PHACTR1: variants seen among roughly 807,000 people sequenced by gnomAD.
The protein encoded by PHACTR1 is RPEL repeat containing 1.
In PHACTR1, 16 loss-of-function variants were observed where a neutral mutation model predicts 69.2. The ratio of observed to expected loss-of-function variants is 0.23; its 90% CI spans 0.16 to 0.35. The LOEUF is 0.35. Ranked by LOEUF, PHACTR1 falls within the 10% of genes least tolerant of loss-of-function variation. The pLI, the probability that PHACTR1 is intolerant of heterozygous loss-of-function variation, is 1.00. For synonymous variants in PHACTR1, 312 were observed against 284.5 expected (o/e 1.10, Z -0.97); for missense variants, 510 against 734.7 (o/e 0.69, Z 3.54).
chr6:13,225,678 A>G (rs1006848150), intron 8 of PHACTR1, among the ~76,000 whole-genome samples: 7 of 152,182 alleles, frequency 4.6e-5, no homozygotes, highest in Non-Finnish European at 1.5e-5. Flanking sequence ...TTTTTCCTTA[A>G]AAGATTCTTC....
chr6:13,080,409 T>C (rs978121475), intron 5 of PHACTR1, among the ~76,000 whole-genome samples: 1 of 152,168 alleles, frequency 6.6e-6, no homozygotes, highest in African/African-American at 2.4e-5. Context: ...TAATTGGAAC[T>C]GGGGTGTGTA....
rs539906138 is a variant in PHACTR1, at chr6:12,875,274, C to T, written c.250+125484C>T. ...AATCATTTATTACTCATCGTGACTCCACAGGGTTCTTCGTGCTCCATGAGC... is the reference window on the plus strand; with the variant it reads ...AATCATTTATTACTCATCGTGACTCTACAGGGTTCTTCGTGCTCCATGAGC... On this transcript the variant is annotated intron_variant, in intron 4 of 14. Coordinates refer to ENST00000332995, the MANE Select transcript of PHACTR1 (RefSeq NM_030948.6). Among the ~76,000 whole-genome samples the T allele has an allele frequency of 4.6e-5, 7 of 152,274 alleles. No homozygotes were observed. In the East Asian group the frequency reaches 7.7e-4, roughly 17 times the overall value.
intron 4 of PHACTR1, among the ~76,000 whole-genome samples, chr6:12,900,115 G>A (rs1785041645): frequency 6.6e-6 from 1 of 152,218 alleles, no homozygotes; most frequent in East Asian, 1.9e-4. Context: ...CCACTGTATC[G>A]CCTTCTGGTC....
At chr6:12,848,542 G>A (rs1779519978) in intron 4 of PHACTR1, among the ~76,000 whole-genome samples, 1 of 152,190 alleles carries the variant, frequency 6.6e-6, no homozygotes, top group East Asian at 1.9e-4. Context: ...AAGGAGGGGA[G>A]GGGCATTTGA....
intron 10 of PHACTR1, among the ~76,000 whole-genome samples, chr6:13,257,521 G>A (rs150328749): frequency 1.2e-4 from 18 of 151,832 alleles, no homozygotes; most frequent in Non-Finnish European, 1.8e-4. Flanking sequence ...TAAGTAAAAT[G>A]GAAATAAAAT....
intron 5 of PHACTR1, among the ~76,000 whole-genome samples, chr6:13,101,194 T>C (rs1467836690): frequency 2.0e-5 from 3 of 152,250 alleles, no homozygotes; most frequent in African/African-American, 7.2e-5. Flanking sequence ...TTGAGGGCCT[T>C]GATGCTGTGT....
At chr6:12,829,304 G>A (rs889508145) in intron 4 of PHACTR1, among the ~76,000 whole-genome samples, 2 of 152,190 alleles carry the variant, frequency 1.3e-5, no homozygotes, top group African/African-American at 2.4e-5. Flanking sequence ...GCTCTTTCTA[G>A]TAGCAGAAAC....
At chr6:12,797,390 C>A (rs1158409889) in intron 4 of PHACTR1, among the ~76,000 whole-genome samples, 1 of 152,174 alleles carries the variant, frequency 6.6e-6, no homozygotes, top group African/African-American at 2.4e-5. Context: ...ACATTTGTCA[C>A]TGACTGACCC....
At chr6:12,814,834 G>A (rs1775408140) in intron 4 of PHACTR1, among the ~76,000 whole-genome samples, 1 of 152,188 alleles carries the variant, frequency 6.6e-6, no homozygotes, top group South Asian at 2.1e-4. Flanking sequence ...AGTTGCTGGG[G>A]GAGGCTGCTT....
intron 4 of PHACTR1, among the ~76,000 whole-genome samples, chr6:12,878,995 C>T (rs1261689374): frequency 2.6e-5 from 4 of 152,112 alleles, no homozygotes; most frequent in Admixed American, 1.3e-4. Context: ...TGAAAAGGCA[C>T]GTGGAGCACT....
intron 7 of PHACTR1, among the ~76,000 whole-genome samples, chr6:13,198,931 C>T (rs1764806057): frequency 1.3e-5 from 2 of 152,152 alleles, no homozygotes; most frequent in Non-Finnish European, 1.5e-5. Flanking sequence ...CTTGCAGCAC[C>T]AGGTGTCATT....
At chr6:12,985,528 T>TAAAA (rs149850503) in intron 4 of PHACTR1, among the ~76,000 whole-genome samples, 16 of 134,894 alleles carry the variant, frequency 1.2e-4, no homozygotes, top group African/African-American at 3.8e-4. Context: ...TACTACAAAT[T>TAAAA]AAAAAAAAAA....
chr6:12,987,316 T>C (rs1220129998), intron 4 of PHACTR1, among the ~76,000 whole-genome samples: 1 of 152,170 alleles, frequency 6.6e-6, no homozygotes, highest in Non-Finnish European at 1.5e-5. Context: ...CATCAACATA[T>C]GTAACAAGTC....
intron 4 of PHACTR1, among the ~76,000 whole-genome samples, chr6:12,778,011 G>A (rs1469370437): frequency 6.6e-6 from 1 of 152,136 alleles, no homozygotes; most frequent in Non-Finnish European, 1.5e-5. Context: ...TGACTGTGTT[G>A]GCCCCACAGC....
chr6:13,036,160 G>C (rs1046267200), intron 4 of PHACTR1, among the ~76,000 whole-genome samples: 1 of 151,024 alleles, frequency 6.6e-6, no homozygotes, highest in Non-Finnish European at 1.5e-5. Flanking sequence ...CTGAAGAAAA[G>C]AAAATTATAG....
intron 5 of PHACTR1, among the ~76,000 whole-genome samples, chr6:13,091,202 T>C (rs1438422270): frequency 6.6e-6 from 1 of 152,108 alleles, no homozygotes; most frequent in Admixed American, 6.5e-5. Context: ...TTTCACCACG[T>C]TGTCCAGGCT....
chr6:12,906,310 G>A lies in PHACTR1; in HGVS notation c.251-147055G>A, dbSNP rs532527046. On this transcript the variant is annotated intron_variant, in intron 4 of 14. Coordinates refer to ENST00000332995, the MANE Select transcript of PHACTR1 (RefSeq NM_030948.6). ...GGCTTACAATACATATAAATTATGTGTTTCTATTTTCTCATTTCCTATGAT... is the reference window on the plus strand; with the variant it reads ...GGCTTACAATACATATAAATTATGTATTTCTATTTTCTCATTTCCTATGAT... Among the ~76,000 whole-genome samples, 3 of 152,280 alleles carry A rather than the reference G, an allele frequency of 2.0e-5. No individual in the cohort carries two copies. In the East Asian group the frequency reaches 5.8e-4, roughly 29 times the overall value.
At chr6:12,749,205 G>C (rs1766208262) in intron 3 of PHACTR1, among the ~76,000 whole-genome samples, 1 of 152,248 alleles carries the variant, frequency 6.6e-6, no homozygotes, top group Non-Finnish European at 1.5e-5. Context: ...CGTTTGGCGG[G>C]AGAGGGCACA....
At chr6:13,240,376 G>A (rs1303090832) in intron 10 of PHACTR1, among the ~76,000 whole-genome samples, 1 of 145,832 alleles carries the variant, frequency 6.9e-6, no homozygotes, top group Non-Finnish European at 1.5e-5. Context: ...AATCTAAGCA[G>A]AAGGCAGAAG....
Sources: allele counts gnomAD v4.1 joint callset (sites outside exome capture counted in the v4.1 genomes callset), GRCh38; gene constraint gnomAD v4.1.1; transcripts MANE v1.5; gene names NCBI Gene and HGNC (gene_info 2026-07-23, HGNC 2026-07-21).